The following DMD variants were observed in gnomAD, a reference collection of about 807,000 sequenced individuals.
DMD encodes mutant dystrophin.
In DMD, 63 loss-of-function variants were observed where a neutral mutation model predicts 330.1. The observed-to-expected ratio is 0.19, with a 90% CI of 0.16 to 0.24. DMD has a LOEUF of 0.24. DMD is among the 10% of genes least tolerant of loss of function. DMD has a pLI of 1.00. For missense variants in DMD, 3,344 were observed against 2,684.1 expected, an observed-to-expected ratio of 1.25 and a Z score of -5.43; for synonymous variants, 1,223 against 959.8, an observed-to-expected ratio of 1.27 and a Z score of -5.07.
At chrX:32,784,667 T>C (rs1386556951) in intron 7 of DMD, among the ~76,000 whole-genome samples, 1 of 111,722 alleles carries the variant, frequency 9.0e-6, no homozygotes, top group African/African-American at 3.2e-5. Flanking sequence ...ACTAATAAAA[T>C]TAGGGAAGCA....
At chrX:32,199,555 GGGAGGGGTGTGAAGGA>G (rs766249420) in intron 44 of DMD, among the ~76,000 whole-genome samples, 45 of 27,719 alleles carry the variant, frequency 1.6e-3, no homozygotes, top group South Asian at 0.011. Context: ...GGTGTGAAGG[GGGAGGGGTGTGAAGGA>G]GGAGGGGTGT....
intron 51 of DMD, among the ~76,000 whole-genome samples, chrX:31,730,901 G>C (rs2086455169): frequency 1.8e-5 from 2 of 111,487 alleles, no homozygotes; most frequent in Admixed American, 9.6e-5. Context: ...AAACTTATAT[G>C]AAACTTAGTT....
Position 32,166,734 on chromosome X carries a change from T to C in DMD, c.6438+50182A>G, listed in dbSNP as rs781063324. Among the ~76,000 whole-genome samples the C allele has an allele frequency of 5.4e-5, 6 of 111,398 alleles. No homozygotes were observed. The East Asian group carries it at 1.4e-3, about 26-fold the overall frequency. On this transcript the variant is annotated intron_variant, in intron 44 of 78. Transcript: ENST00000357033. ...TAAATGAGTGAACAGGTAAAGCTAGTAGAAGGAACAGTCATGCAGATTGGC... is the reference window on the plus strand; with the variant it reads ...TAAATGAGTGAACAGGTAAAGCTAGCAGAAGGAACAGTCATGCAGATTGGC...
chrX:32,767,330 T>C (rs1250295062), intron 7 of DMD, among the ~76,000 whole-genome samples: 1 of 111,230 alleles, frequency 9.0e-6, no homozygotes, highest in Non-Finnish European at 1.9e-5. Context: ...TTATATTTTC[T>C]TTAGTCCATC....
intron 3 of DMD, 120 bp from the exon 4 acceptor site, chrX:32,844,980 G>T: frequency 1.7e-6 from 1 of 602,626 alleles, no homozygotes; most frequent in Non-Finnish European, 2.8e-6. Flanking sequence ...GAGCCTGTGA[G>T]GCATTAATAT....
intron 62 of DMD, among the ~76,000 whole-genome samples, chrX:31,283,428 A>T (rs978400075): frequency 9.0e-6 from 1 of 111,587 alleles, no homozygotes; most frequent in Non-Finnish European, 1.9e-5. Context: ...TTAAATTATG[A>T]GTTTTTAAAA....
chrX:32,404,972 A>C (rs1349730699), intron 30 of DMD, among the ~76,000 whole-genome samples: 1 of 111,743 alleles, frequency 8.9e-6, no homozygotes, highest in African/African-American at 3.2e-5. Flanking sequence ...GAAAAAATCA[A>C]AATAGGAGAG....
chrX:33,149,047 G>T (rs1475496537), intron 1 of DMD, among the ~76,000 whole-genome samples: 1 of 110,427 alleles, frequency 9.1e-6, no homozygotes, highest in Admixed American at 9.8e-5. Context: ...GGGGTTAGTG[G>T]GGGGGAGGTG....
In DMD at chrX:31,121,910, A is replaced by G. The variant is rs748870087; in HGVS notation, c.*9T>C. The G allele has an allele frequency of 1.7e-6, 2 of 1,204,984 alleles. No homozygotes were observed. Among genetic ancestry groups the G allele is most frequent in the East Asian group, 5.9e-5 (2 of 33,832 alleles). ...CTGCCCAAATCATCTGCCATGTGGAAAAGACTTCCTACATTGTGTCCTGGA... is the reference window on the plus strand; with the variant it reads ...CTGCCCAAATCATCTGCCATGTGGAGAAGACTTCCTACATTGTGTCCTGGA... On this transcript the variant is annotated 3_prime_UTR_variant, in exon 79 of 79. Coordinates refer to ENST00000357033, the MANE Select transcript of DMD (RefSeq NM_004006.3).
chrX:32,859,216 C>T (rs1480281843), intron 2 of DMD, among the ~76,000 whole-genome samples: 2 of 110,981 alleles, frequency 1.8e-5, no homozygotes, highest in Non-Finnish European at 3.8e-5. Context: ...ACCTGTAATC[C>T]TAGCACTTTG....
Position 32,280,164 on chromosome X carries a change from AG to A in DMD, c.6290+7364del, listed in dbSNP as rs1165200693. 6.8e-3 allele frequency among the ~76,000 whole-genome samples: 84 copies of A among 12,301 alleles called. 3 individuals are homozygous for A. In the East Asian group the frequency reaches 0.08, roughly 12 times the overall value. 10.7% of individuals were successfully genotyped at this position (12,301 alleles called of 115,157 possible). A position where few individuals can be genotyped will look rare whatever the true frequency, so the allele number is the denominator to read the frequency against. On this transcript the variant is annotated intron_variant, in intron 43 of 78. Transcript: ENST00000357033. ...ATACAGTATATATATATATATATACAGTATATATATATATATATATATACAC... is the reference window on the plus strand; with the variant it reads ...ATACAGTATATATATATATATATACATATATATATATATATATATATACAC...
chrX:31,663,894 C>T, intron 53 of DMD, among the ~76,000 whole-genome samples: 1 of 112,032 alleles, frequency 8.9e-6, no homozygotes, highest in Admixed American at 9.4e-5. Flanking sequence ...GTGCCACTCT[C>T]CAATTCATGA....
chrX:32,561,828 G>C lies in DMD; in HGVS notation c.1992+3874C>G, dbSNP rs546414657. 7.5e-4 allele frequency among the ~76,000 whole-genome samples: 84 copies of C among 111,866 alleles called. 1 individual carries two copies. The South Asian group carries it at 0.031, about 41-fold the overall frequency. ...TACCTACAAAGGGAAGCCCATCAGG[G>C]TAACAGCAGATCTCTCAGCAGAAAC... On this transcript the variant is annotated intron_variant, in intron 16 of 78. Transcript: ENST00000357033.
chrX:32,563,768 A>G (rs970736413), intron 16 of DMD, among the ~76,000 whole-genome samples: 4 of 112,281 alleles, frequency 3.6e-5, no homozygotes, highest in African/African-American at 6.5e-5. Context: ...ATATTTATAT[A>G]GTGTATTCCC....
intron 11 of DMD, among the ~76,000 whole-genome samples, chrX:32,626,418 G>T: frequency 9.9e-6 from 1 of 101,084 alleles, no homozygotes; most frequent in Non-Finnish European, 1.9e-5. Flanking sequence ...GCAGTGAGCT[G>T]AGATCACACC....
intron 1 of DMD, among the ~76,000 whole-genome samples, chrX:33,325,203 A>G (rs571760905): frequency 9.1e-4 from 102 of 111,994 alleles, no homozygotes; most frequent in South Asian, 2.6e-3. Flanking sequence ...TCAATAGAGA[A>G]TAAACAGAAT....
At chrX:32,817,409 C>T (rs1158605948) in intron 5 of DMD, among the ~76,000 whole-genome samples, 1 of 112,239 alleles carries the variant, frequency 8.9e-6, no homozygotes, top group Non-Finnish European at 1.9e-5. Context: ...TGTTATTCAA[C>T]AGATTATCAA....
At chrX:31,856,585 A>C (rs1212642338) in intron 48 of DMD, among the ~76,000 whole-genome samples, 1 of 112,281 alleles carries the variant, frequency 8.9e-6, no homozygotes, top group Non-Finnish European at 1.9e-5. Context: ...TTCATAATGG[A>C]CTCATTGAAG....
chrX:32,359,977 A>G (rs939209816), intron 37 of DMD, among the ~76,000 whole-genome samples: 1 of 111,069 alleles, frequency 9.0e-6, no homozygotes, highest in African/African-American at 3.3e-5. Context: ...TAACTTCCTC[A>G]TCTTACAAAC....
Sources: allele counts gnomAD v4.1 joint callset (sites outside exome capture counted in the v4.1 genomes callset), GRCh38; gene constraint gnomAD v4.1.1; transcripts MANE v1.5; gene names NCBI Gene and HGNC (gene_info 2026-07-23, HGNC 2026-07-21).